KCTD10: variants seen among roughly 807,000 people sequenced by gnomAD.
KCTD10 encodes BTB/POZ domain-containing adapter for CUL3-mediated RhoA degradation protein 3.
Under a neutral mutation model 34.6 loss-of-function variants are expected in KCTD10, and 13 were observed. That is an observed-to-expected ratio of 0.38 (90% CI 0.24 to 0.60). The LOEUF (loss-of-function observed/expected upper bound fraction) is 0.60, where lower values mean the gene tolerates loss of function less well. KCTD10 is among the 20% of genes least tolerant of loss of function. The probability of loss-of-function intolerance (pLI) is 0.66; values close to 1 mark genes in which losing one functional copy is unlikely to be tolerated. For missense variants in KCTD10, 256 were observed against 420.3 expected (o/e 0.61, Z 3.42); for synonymous variants, 156 against 168.8 (o/e 0.92, Z 0.59).
chr12:109,458,296 G>A (rs529038880), intron 3 of KCTD10: 3 of 538,308 alleles, frequency 5.6e-6, no homozygotes, highest in East Asian at 3.1e-5. Context: ...CCAGGATGCT[G>A]AGTAAGTACT....
chr12:109,472,391 T>C (rs1407173123), intron 1 of KCTD10, among the ~76,000 whole-genome samples: 5 of 152,258 alleles, frequency 3.3e-5, no homozygotes, highest in African/African-American at 1.2e-4. Flanking sequence ...CTCCACATCC[T>C]GTCCCACTAG....
In KCTD10 at chr12:109,454,625, A is replaced by C. The variant is rs1187245411; in HGVS notation, c.723+1493T>G. Among the ~76,000 whole-genome samples, 2 of 152,216 alleles carry C rather than the reference A, an allele frequency of 1.3e-5. 1 individual carries two copies. On this transcript the variant is annotated intron_variant, in intron 6 of 6. Coordinates refer to ENST00000228495, the MANE Select transcript of KCTD10 (RefSeq NM_031954.5). Reference sequence around the variant, plus strand: ...GCACCTGTGGACCCAGCTACTCAGGAGGCTGAGGCAGGAGGATCACTTGAG... The same window carrying C: ...GCACCTGTGGACCCAGCTACTCAGGCGGCTGAGGCAGGAGGATCACTTGAG...
chr12:109,469,798 CT>C (rs755040324), intron 1 of KCTD10, 70 bp from the exon 2 acceptor site: 1 of 1,585,796 alleles, frequency 6.3e-7, no homozygotes, highest in Non-Finnish European at 8.6e-7. Context: ...TGGATTCAAT[CT>C]GGCCTCCAGA....
At chr12:109,469,329 CT>C in intron 2 of KCTD10, 185 bp downstream of exon 2, 1 of 653,014 alleles carries the variant, frequency 1.5e-6, no homozygotes, top group Non-Finnish European at 2.6e-6. Flanking sequence ...AAGCTAAGCC[CT>C]GGGTGAGGAA....
rs1050472041 is a variant in KCTD10 at position 109,463,506 on chromosome 12, G to A, written c.218-2701C>T. ...ACAAATGGAAGTCAAGCAGCTCCTC[G>A]CATGTGGGGGGTCTCTCTCCTGCTG... On this transcript the variant is annotated intron_variant, in intron 2 of 6. Coordinates refer to ENST00000228495, the MANE Select transcript of KCTD10 (RefSeq NM_031954.5). 4.6e-5 allele frequency among the ~76,000 whole-genome samples: 7 copies of A among 152,296 alleles called. No individual in the cohort carries two copies. In the East Asian group the frequency reaches 1.4e-3, roughly 29 times the overall value.
rs1411411185 is a variant in KCTD10 at position 109,460,678 on chromosome 12, G to A, written c.345C>T (p.Tyr115=). The A allele has an allele frequency of 6.2e-7, 1 of 1,614,174 alleles. No individual in the cohort carries two copies. The highest frequency in any genetic ancestry group is 1.1e-5 in the South Asian group (1 of 91,076). ...ACTCTTCCACCAGGCCTTGGACTAG[G>A]TAGTACTTGGCTTCTGCTAGCAGCT... ...IEELLAEAKY[Y]LVQGLVEECQ... Residue 115 remains tyrosine (Y), a synonymous_variant, in exon 3 of 7, where the codon TAC becomes TAT. Transcript: ENST00000228495. The surrounding 1 kb of genome is among the most constrained non-coding windows in gnomAD (Gnocchi z 4.5).
intron 1 of KCTD10, among the ~76,000 whole-genome samples, chr12:109,471,897 C>T (rs1873908168): frequency 6.6e-6 from 1 of 152,108 alleles, no homozygotes; most frequent in Admixed American, 6.5e-5. Flanking sequence ...AAGTATACTT[C>T]ATGTAAAGTC....
rs766591958 is a variant in KCTD10, at chr12:109,465,296, G to A, written c.217+4219C>T. On this transcript the variant is annotated intron_variant, in intron 2 of 6. Coordinates refer to ENST00000228495, the MANE Select transcript of KCTD10 (RefSeq NM_031954.5). ...ATTGATCTCACAAGCATAATGCTAC[G>A]TAAGCAAAAGCAAAACATACAAACT... Among the ~76,000 whole-genome samples the A allele has an allele frequency of 3.9e-5, 6 of 152,178 alleles. No homozygotes were observed. The South Asian group carries it at 8.3e-4, about 21-fold the overall frequency.
chr12:109,456,448 C>A, intron 5 of KCTD10, 135 bp from the exon 6 acceptor site: 1 of 727,168 alleles, frequency 1.4e-6, no homozygotes, highest in Non-Finnish European at 2.4e-6. Flanking sequence ...AATCCCATGA[C>A]AAAGGCACTC....
At chr12:109,468,604 A>C (rs1468111277) in intron 2 of KCTD10, among the ~76,000 whole-genome samples, 1 of 151,306 alleles carries the variant, frequency 6.6e-6, no homozygotes, top group Non-Finnish European at 1.5e-5. Context: ...TGATCATTCC[A>C]GGTGAGTAGG....
rs902401241 is a variant in KCTD10, at chr12:109,449,467, C to T, written c.*2128G>A. On this transcript the variant is annotated 3_prime_UTR_variant, in exon 7 of 7. Transcript: ENST00000228495. Reference sequence around the variant, plus strand: ...TGCAGCCAGGTGTGGTGACTCACACCTGTAATCCCAGCACTTTGGGAGGCC... The same window carrying T: ...TGCAGCCAGGTGTGGTGACTCACACTTGTAATCCCAGCACTTTGGGAGGCC... 1 of 152,218 alleles carries T rather than the reference C, an allele frequency of 6.6e-6. No individual in the cohort carries two copies. The highest frequency in any genetic ancestry group is 2.4e-5 in the African/African-American group (1 of 41,436). The allele number at this position is 152,218 out of a possible 1,614,324, so 9.4% of individuals were successfully genotyped here.
chr12:109,450,107 ACATGTGT>A lies in KCTD10; in HGVS notation c.*1481_*1487del, dbSNP rs1872690547. The A allele has an allele frequency of 7.6e-6, 3 of 396,912 alleles. No homozygotes were observed. Among genetic ancestry groups the A allele is most frequent in the Non-Finnish European group, 1.3e-5 (3 of 225,562 alleles). 24.6% of individuals were successfully genotyped at this position (396,912 alleles called of 1,614,324 possible). A position where few individuals can be genotyped will look rare whatever the true frequency, so the allele number is the denominator to read the frequency against. On this transcript the variant is annotated 3_prime_UTR_variant, in exon 7 of 7. Coordinates refer to ENST00000228495, the MANE Select transcript of KCTD10 (RefSeq NM_031954.5). ...GAAAATATAAACTCGTTTTTGGAAT[ACATGTGT>A]CAAAGGCTGCCCATGTTAATACCTT...
chr12:109,470,362 C>A (rs556166667), intron 1 of KCTD10: 1 of 985,518 alleles, frequency 1.0e-6, no homozygotes, highest in African/African-American at 1.7e-5. Context: ...CAAGTTATTG[C>A]AAAATTAGAC....
At chr12:109,456,565 C>A in intron 5 of KCTD10, 1 of 507,472 alleles carries the variant, frequency 2.0e-6, no homozygotes, top group East Asian at 3.6e-5. Context: ...CAGCCCTGGC[C>A]CCTAAGCCTG....
chr12:109,471,006 A>G (rs1376713018), intron 1 of KCTD10: 4 of 519,314 alleles, frequency 7.7e-6, no homozygotes, highest in Non-Finnish European at 9.9e-6. Flanking sequence ...GATGTCCCAC[A>G]GTTCTTCCCC....
At chr12:109,473,875 A>G (rs1408294103) in intron 1 of KCTD10, among the ~76,000 whole-genome samples, 1 of 149,690 alleles carries the variant, frequency 6.7e-6, no homozygotes, top group Admixed American at 6.7e-5. Flanking sequence ...TCTGCCTCCC[A>G]GGTTCAAGCA....
In KCTD10 at chr12:109,456,180, G is replaced by A; in HGVS notation, c.661C>T (p.Arg221Trp). ...ICCWSFYGQG[R>W]KIAEVCCTSI... ...GTACAACAGACTTCAGCAATCTTCC[G>A]GCCCTGACCATAAAAGGACCAGCAG... is the stretch of plus-strand genomic sequence containing the variant. Residue 221 changes from arginine (R) to tryptophan (W), a missense_variant, in exon 6 of 7, where the codon CGG (arginine) becomes TGG (tryptophan). This residue lies in a region of KCTD10 where 41 missense variants were observed against 124.2 expected (regional missense o/e 0.33). Coordinates refer to ENST00000228495, the MANE Select transcript of KCTD10 (RefSeq NM_031954.5). The A allele has an allele frequency of 2.5e-6, 4 of 1,614,074 alleles. No individual in the cohort carries two copies. The highest frequency in any genetic ancestry group is 3.4e-6 in the Non-Finnish European group (4 of 1,180,030).
rs1414238498 is a variant in KCTD10, at chr12:109,450,197, A to C, written c.*1398T>G. 1.5e-5 allele frequency: 6 copies of C among 398,498 alleles called. No individual in the cohort carries two copies. The highest frequency in any genetic ancestry group is 4.1e-5 in the African/African-American group (2 of 48,640). 24.7% of individuals were successfully genotyped at this position (398,498 alleles called of 1,614,324 possible). On this transcript the variant is annotated 3_prime_UTR_variant, in exon 7 of 7. Coordinates refer to ENST00000228495, the MANE Select transcript of KCTD10 (RefSeq NM_031954.5). Reference sequence around the variant, plus strand: ...CCCATCCATCACCTGACGCACATTCACATCTCCTGGTAACTACTCTACCTA... The same window carrying C: ...CCCATCCATCACCTGACGCACATTCCCATCTCCTGGTAACTACTCTACCTA...
intron 6 of KCTD10, among the ~76,000 whole-genome samples, chr12:109,453,539 CA>C (rs1872879013): frequency 6.6e-6 from 1 of 152,144 alleles, no homozygotes; most frequent in Non-Finnish European, 1.5e-5. Context: ...CCTGTGGCAG[CA>C]ACCAGAGACT....
Sources: gnomAD v4.1 joint callset for allele counts (sites outside exome capture counted in the v4.1 genomes callset) on GRCh38, gnomAD v4.1.1 for gene constraint, gnomAD v4.1.1 regional missense constraint, Gnocchi (gnomAD v3.1) non-coding constraint, MANE v1.5 for transcripts, NCBI Gene and HGNC (gene_info 2026-07-23, HGNC 2026-07-21) for gene names.